Variants in TMEM232 observed in about 807,000 individuals in gnomAD.
The protein encoded by TMEM232 is transmembrane protein 232.
A neutral mutation model predicts 78.8 loss-of-function variants in TMEM232; 80 were observed. That is an observed-to-expected ratio of 1.01 (90% CI 0.85 to 1.22). The LOEUF is 1.22. TMEM232 is among the 50% of genes most tolerant of loss of function. The pLI is 0.00. For missense variants in TMEM232, 881 were observed against 742.2 expected (o/e 1.19, Z -2.17); for synonymous variants, 297 against 254.3 (o/e 1.17, Z -1.60).
intron 1 of TMEM232, among the ~76,000 whole-genome samples, chr5:110,685,258 A>C (rs571266365): frequency 8.5e-5 from 13 of 152,278 alleles, no homozygotes; most frequent in African/African-American, 2.9e-4. Context: ...ATCTAACAGC[A>C]AAGGAAAGCT....
chr5:110,691,532 G>A (rs548034095), intron 1 of TMEM232, among the ~76,000 whole-genome samples: 1 of 152,300 alleles, frequency 6.6e-6, no homozygotes, highest in Non-Finnish European at 1.5e-5. Context: ...CTAAAAGTGG[G>A]CCAAGATGGC....
At chr5:110,600,635 G>A (rs1198150822) in intron 10 of TMEM232, among the ~76,000 whole-genome samples, 1 of 151,778 alleles carries the variant, frequency 6.6e-6, no homozygotes, top group Admixed American at 6.6e-5. Context: ...TCTCTGAAGG[G>A]ACAAATAACA....
intron 13 of TMEM232, among the ~76,000 whole-genome samples, chr5:110,421,702 C>G (rs1274603530): frequency 6.6e-6 from 1 of 152,064 alleles, no homozygotes; most frequent in African/African-American, 2.4e-5. Flanking sequence ...TAACATTTGT[C>G]ATCTGGGATA....
intron 2 of TMEM232, among the ~76,000 whole-genome samples, chr5:110,399,640 C>T (rs1755520647): frequency 1.3e-5 from 2 of 152,082 alleles, no homozygotes; most frequent in Non-Finnish European, 2.9e-5. Context: ...GGGATTCTCC[C>T]CAGCCAGTGC....
chr5:110,590,833 T>A (rs1387023341), intron 10 of TMEM232, among the ~76,000 whole-genome samples: 1 of 152,112 alleles, frequency 6.6e-6, no homozygotes, highest in Admixed American at 6.6e-5. Flanking sequence ...GCAAGCACCT[T>A]CTTCACAAGG....
intron 12 of TMEM232, among the ~76,000 whole-genome samples, chr5:110,484,256 C>T (rs1764223443): frequency 6.6e-6 from 1 of 152,080 alleles, no homozygotes; most frequent in South Asian, 2.1e-4. Context: ...CATCAACACA[C>T]AATTTACCCA....
intron 12 of TMEM232, among the ~76,000 whole-genome samples, chr5:110,454,666 A>G (rs1760702107): frequency 6.6e-6 from 1 of 152,162 alleles, no homozygotes; most frequent in Non-Finnish European, 1.5e-5. Context: ...AAAATTTGGG[A>G]GATGCAGTTA....
chr5:110,620,666 T>TC (rs1783602325), intron 7 of TMEM232, among the ~76,000 whole-genome samples: 1 of 134,780 alleles, frequency 7.4e-6, no homozygotes, highest in African/African-American at 2.7e-5. Context: ...TCTCCTCCTC[T>TC]CTCTCTCTCT....
At chr5:110,614,374 G>T (rs549144565) in intron 8 of TMEM232, among the ~76,000 whole-genome samples, 17 of 151,968 alleles carry the variant, frequency 1.1e-4, no homozygotes, top group Middle Eastern at 6.8e-3. Flanking sequence ...TAATAAACTT[G>T]GCCTCAGTTT....
At chr5:110,495,068 TGTTA>T (rs1765500847) in intron 12 of TMEM232, among the ~76,000 whole-genome samples, 1 of 151,438 alleles carries the variant, frequency 6.6e-6, no homozygotes, top group African/African-American at 2.4e-5. Context: ...TCTAAGTATT[TGTTA>T]TTTTAATTAA....
exon 5 of TMEM232, chr5:110,387,832 A>G (rs1755043638): frequency 6.6e-6 from 1 of 152,050 alleles, no homozygotes; most frequent in South Asian, 2.1e-4. Context: ...TCTTTGTCCA[A>G]CTTCTCCTTG....
chr5:110,556,267 C>A (rs747572743), intron 11 of TMEM232, among the ~76,000 whole-genome samples: 1 of 151,970 alleles, frequency 6.6e-6, no homozygotes, highest in Non-Finnish European at 1.5e-5. Context: ...ATATGAAACT[C>A]TTGGTTGGAA....
intron 12 of TMEM232, among the ~76,000 whole-genome samples, chr5:110,524,403 GAAAGAAAGAAAGAAAAGA>G (rs1369146329): frequency 0.014 from 1,087 of 76,524 alleles, 9 homozygotes; most frequent in South Asian, 0.039. Flanking sequence ...AAGAAAGAAA[GAAAGAAAGAAAGAAAAGA>G]AAAGAAAAGA....
At chr5:110,693,029 A>C (rs994571903) in intron 1 of TMEM232, among the ~76,000 whole-genome samples, 1 of 152,190 alleles carries the variant, frequency 6.6e-6, no homozygotes, top group Non-Finnish European at 1.5e-5. Flanking sequence ...CTGACCCCCG[A>C]GTAGCCTAAC....
At chr5:110,440,635 A>T (rs1275687491) in intron 12 of TMEM232, among the ~76,000 whole-genome samples, 1 of 152,094 alleles carries the variant, frequency 6.6e-6, no homozygotes, top group Non-Finnish European at 1.5e-5. Flanking sequence ...TCTGAAAAAA[A>T]TTTTTGTATG....
At chr5:110,556,183 A>T (rs890761925) in intron 11 of TMEM232, among the ~76,000 whole-genome samples, 1 of 152,060 alleles carries the variant, frequency 6.6e-6, no homozygotes, top group Non-Finnish European at 1.5e-5. Flanking sequence ...TCTGGTGGCA[A>T]CAAATTCCCT....
In TMEM232 at chr5:110,421,528, C is replaced by T. The variant is rs546267693; in HGVS notation, c.1798-772G>A. Among the ~76,000 whole-genome samples, 28 of 152,010 alleles carry T rather than the reference C, an allele frequency of 1.8e-4. No homozygotes were observed. In the South Asian group the frequency reaches 2.7e-3, roughly 15 times the overall value. The stretch of plus-strand genomic sequence containing the variant: ...TTTATGTTGGGTAAAACATTCAGGG[C>T]AGAATGACTCCTAGTATGCAATATT... On this transcript the variant is annotated intron_variant, in intron 13 of 13. Coordinates refer to ENST00000455884, the MANE Select transcript of TMEM232 (RefSeq NM_001039763.4).
chr5:110,718,460 T>G (rs1023865038), intron 1 of TMEM232, among the ~76,000 whole-genome samples: 1 of 152,134 alleles, frequency 6.6e-6, no homozygotes, highest in Non-Finnish European at 1.5e-5. Flanking sequence ...TCTGGATAGC[T>G]GTTAATCTTA....
intron 4 of TMEM232, chr5:110,390,330 A>G (rs1176129302): frequency 6.6e-6 from 1 of 152,214 alleles, no homozygotes; most frequent in African/African-American, 2.4e-5. Flanking sequence ...CCTGCCAGTG[A>G]AAAGATTTGG....
Sources: gnomAD v4.1 joint callset for allele counts (sites outside exome capture counted in the v4.1 genomes callset) on GRCh38, gnomAD v4.1.1 for gene constraint, MANE v1.5 for transcripts, NCBI Gene and HGNC (gene_info 2026-07-23, HGNC 2026-07-21) for gene names.